Variants in CTNNA2 observed in about 807,000 individuals in gnomAD.
CTNNA2 encodes the protein catenin alpha 2.
In CTNNA2, 42 loss-of-function variants were observed where a neutral mutation model predicts 101.0. The ratio of observed to expected loss-of-function variants is 0.42; its 90% CI spans 0.32 to 0.54. The LOEUF is 0.54. Ranked by LOEUF, CTNNA2 falls within the 20% of genes least tolerant of loss-of-function variation. The pLI is 0.14. For missense variants in CTNNA2, 871 were observed against 1,223.1 expected (o/e 0.71, Z 4.29); for synonymous variants, 450 against 456.4 (o/e 0.99, Z 0.18).
chr2:80,543,173 C>G (rs1282061821), intron 9 of CTNNA2, among the ~76,000 whole-genome samples: 1 of 152,106 alleles, frequency 6.6e-6, no homozygotes, highest in Non-Finnish European at 1.5e-5. Context: ...CTGAGTCAGG[C>G]ACTTGGATTG....
chr2:80,052,058 G>A (rs1205825785), intron 7 of CTNNA2, among the ~76,000 whole-genome samples: 1 of 152,150 alleles, frequency 6.6e-6, no homozygotes, highest in Non-Finnish European at 1.5e-5. Flanking sequence ...GATACATCAA[G>A]GGTAGAGAAA....
At chr2:79,273,163 A>C (rs1165926772) in intron 2 of CTNNA2, among the ~76,000 whole-genome samples, 1 of 152,032 alleles carries the variant, frequency 6.6e-6, no homozygotes, top group African/African-American at 2.4e-5. Flanking sequence ...AATAATACTG[A>C]TATAATATTT....
chr2:80,392,202 G>T (rs1004410950), intron 7 of CTNNA2, among the ~76,000 whole-genome samples: 5 of 152,138 alleles, frequency 3.3e-5, no homozygotes, highest in African/African-American at 1.2e-4. Flanking sequence ...TAAGATCTGG[G>T]ATCTCATTTT....
chr2:79,640,327 G>A (rs921082672), intron 1 of CTNNA2, among the ~76,000 whole-genome samples: 1 of 152,108 alleles, frequency 6.6e-6, no homozygotes, highest in Non-Finnish European at 1.5e-5. Context: ...AGGAGGCATT[G>A]TGGGCTAACC....
At chr2:79,549,260 C>T (rs1673934221) in intron 1 of CTNNA2, among the ~76,000 whole-genome samples, 1 of 152,200 alleles carries the variant, frequency 6.6e-6, no homozygotes, top group Middle Eastern at 3.4e-3. Context: ...TTTGGTGGAG[C>T]TTTATTATTA....
chr2:79,591,992 A>C (rs945171075), intron 1 of CTNNA2, among the ~76,000 whole-genome samples: 2 of 147,710 alleles, frequency 1.4e-5, no homozygotes, highest in Non-Finnish European at 3.0e-5. Context: ...CTTATTTGAG[A>C]TGGTTTCCAT....
chr2:79,535,610 A>G (rs539113408), intron 1 of CTNNA2, among the ~76,000 whole-genome samples: 10 of 152,142 alleles, frequency 6.6e-5, no homozygotes, highest in Admixed American at 3.3e-4. Flanking sequence ...ATTTATTCTT[A>G]TATTTGTCCT....
chr2:80,179,028 G>T (rs192991283), intron 7 of CTNNA2, among the ~76,000 whole-genome samples: 111 of 152,314 alleles, frequency 7.3e-4, no homozygotes, highest in Admixed American at 2.0e-3. Flanking sequence ...TTGTGAACAA[G>T]ATCATGATAC....
chr2:80,118,657 GATCCTCTTTA>G (rs1188938819), intron 7 of CTNNA2, among the ~76,000 whole-genome samples: 3 of 152,192 alleles, frequency 2.0e-5, no homozygotes, highest in Non-Finnish European at 2.9e-5. Context: ...GCCAATTCAT[GATCCTCTTTA>G]ACAAAGGAAG....
At chr2:79,450,953 T>TTGCAA (rs1426281555) in intron 4 of CTNNA2, among the ~76,000 whole-genome samples, 2 of 152,070 alleles carry the variant, frequency 1.3e-5, no homozygotes, top group Non-Finnish European at 2.9e-5. Context: ...ACAATGTCCA[T>TTGCAA]TGCAATGCAA....
intron 2 of CTNNA2, among the ~76,000 whole-genome samples, chr2:79,698,233 G>A (rs939703045): frequency 7.9e-5 from 12 of 151,962 alleles, no homozygotes; most frequent in African/African-American, 1.2e-4. Context: ...TCAAGAGTAC[G>A]TTTAAGTTCT....
rs568383033 is a variant in CTNNA2, at chr2:80,327,642, C to G, written c.1057-65569C>G. On this transcript the variant is annotated intron_variant, in intron 7 of 18. Transcript: ENST00000402739. ...ATACAATCCTTGGAAACAACGAGGA[C>G]GTGTGGAAATCTAAGTATGTTATCA... Among the ~76,000 whole-genome samples, 4 of 152,236 alleles carry G rather than the reference C, an allele frequency of 2.6e-5. No individual in the cohort carries two copies. In the East Asian group the frequency reaches 5.8e-4, roughly 22 times the overall value.
chr2:79,394,822 C>T (rs565892144), intron 4 of CTNNA2, among the ~76,000 whole-genome samples: 1 of 152,186 alleles, frequency 6.6e-6, no homozygotes, highest in South Asian at 2.1e-4. Context: ...AAAGGCCAAA[C>T]AAGACCCTCA....
intron 7 of CTNNA2, among the ~76,000 whole-genome samples, chr2:80,051,106 A>G (rs1317158554): frequency 1.3e-5 from 2 of 152,176 alleles, no homozygotes; most frequent in African/African-American, 4.8e-5. Context: ...ACTATTCACA[A>G]TTGTTCTAGA....
intron 1 of CTNNA2, among the ~76,000 whole-genome samples, chr2:79,553,200 A>G (rs1402330946): frequency 1.3e-5 from 2 of 152,100 alleles, no homozygotes; most frequent in Non-Finnish European, 2.9e-5. Flanking sequence ...TTCAAGTTCA[A>G]ATTTCCAAAT....
intron 7 of CTNNA2, among the ~76,000 whole-genome samples, chr2:80,369,705 T>G (rs1675273988): frequency 6.6e-6 from 1 of 152,140 alleles, no homozygotes. Context: ...TCCAGTTTAA[T>G]CATTTGAGTC....
At chr2:80,239,637 C>A (rs914893231) in intron 7 of CTNNA2, among the ~76,000 whole-genome samples, 10 of 151,936 alleles carry the variant, frequency 6.6e-5, no homozygotes, top group Non-Finnish European at 7.4e-5. Context: ...TATGGCCTGG[C>A]GTGGTGGCTC....
intron 7 of CTNNA2, among the ~76,000 whole-genome samples, chr2:80,186,574 T>A (rs544672504): frequency 6.6e-6 from 1 of 152,322 alleles, no homozygotes; most frequent in South Asian, 2.1e-4. Context: ...ACATTAACAA[T>A]GTTTGTTTGT....
At chr2:80,420,221 T>C (rs1680411297) in intron 9 of CTNNA2, among the ~76,000 whole-genome samples, 1 of 151,956 alleles carries the variant, frequency 6.6e-6, no homozygotes, top group African/African-American at 2.4e-5. Flanking sequence ...AAAAAAAATA[T>C]TGTACAAAGT....
Sources: allele counts gnomAD v4.1 joint callset (sites outside exome capture counted in the v4.1 genomes callset), GRCh38; gene constraint gnomAD v4.1.1; transcripts MANE v1.5; gene names NCBI Gene and HGNC (gene_info 2026-07-23, HGNC 2026-07-21).